MEI1: variants seen among roughly 807,000 people sequenced by gnomAD.
The protein encoded by MEI1 is meiosis inhibitor protein 1.
Under a neutral mutation model 146.2 loss-of-function variants are expected in MEI1, and 103 were observed. That is an observed-to-expected ratio of 0.70 (90% CI 0.60 to 0.83). MEI1 has a LOEUF of 0.83. MEI1 is among the 40% of genes least tolerant of loss of function. The pLI is 0.00. For missense variants in MEI1, 1,529 were observed against 1,533.0 expected, an observed-to-expected ratio of 1.00 and a Z score of 0.04; for synonymous variants, 652 against 628.2, an observed-to-expected ratio of 1.04 and a Z score of -0.57.
intron 18 of MEI1, among the ~76,000 whole-genome samples, chr22:41,759,740 A>T (rs2074346215): frequency 1.3e-5 from 2 of 151,950 alleles, no homozygotes; most frequent in Non-Finnish European, 2.9e-5. Context: ...GAGACAGGAG[A>T]ATTGCTTGAA....
chr22:41,712,012 G>A (rs890360700), intron 3 of MEI1, among the ~76,000 whole-genome samples: 1 of 151,348 alleles, frequency 6.6e-6, no homozygotes, highest in Non-Finnish European at 1.5e-5. Flanking sequence ...GACCAGCCTG[G>A]CCAACATGTA....
intron 26 of MEI1, among the ~76,000 whole-genome samples, chr22:41,791,436 T>G (rs1368993313): frequency 6.6e-6 from 1 of 152,164 alleles, no homozygotes; most frequent in Non-Finnish European, 1.5e-5. Context: ...CAAAGTGAGC[T>G]GTCATGATGC....
rs532738540 is a variant in MEI1 at position 41,797,316 on chromosome 22, A to G, written c.3779+1469A>G. ...GAACAAAATTATTTAAAACTGCATAAAATTACCTTCAGGTGGCCAGACGCG... is the reference window on the plus strand; with the variant it reads ...GAACAAAATTATTTAAAACTGCATAGAATTACCTTCAGGTGGCCAGACGCG... On this transcript the variant is annotated intron_variant, in intron 30 of 30. Transcript: ENST00000401548. Among the ~76,000 whole-genome samples, 223 of 152,160 alleles carry G rather than the reference A, an allele frequency of 1.5e-3. 1 individual carries two copies. The highest frequency in any genetic ancestry group is 3.5e-4 in the Non-Finnish European group (24 of 68,006).
chr22:41,748,104 C>T lies in MEI1; in HGVS notation c.1681-3C>T. On this transcript the variant is annotated splice_polypyrimidine_tract_variant and splice_region_variant and intron_variant, in intron 14 of 30. Coordinates refer to ENST00000401548, the MANE Select transcript of MEI1 (RefSeq NM_152513.4). ...CTGTGTTCTCTCTCCTGGTTCTTTG[C>T]AGAGACACTTGGAGCAGACCACCCA... 1 of 1,608,476 alleles carries T rather than the reference C, an allele frequency of 6.2e-7. No individual in the cohort carries two copies. Among genetic ancestry groups the T allele is most frequent in the Non-Finnish European group, 8.5e-7 (1 of 1,175,012 alleles).
At chr22:41,713,527 C>T (rs996234151) in intron 3 of MEI1, among the ~76,000 whole-genome samples, 2 of 151,250 alleles carry the variant, frequency 1.3e-5, no homozygotes, top group Admixed American at 6.6e-5. Context: ...TAGATGTGCA[C>T]ACATAGTTGT....
chr22:41,742,246 T>C (rs1378811759), intron 11 of MEI1, among the ~76,000 whole-genome samples: 7 of 152,146 alleles, frequency 4.6e-5, no homozygotes, highest in Admixed American at 2.0e-4. Context: ...GGTGACAGAG[T>C]GAGACTCCAT....
intron 6 of MEI1, 101 bp from the exon 7 acceptor site, chr22:41,723,842 G>A (rs1050871462): frequency 2.2e-6 from 3 of 1,357,426 alleles, no homozygotes; most frequent in African/African-American, 1.5e-5. Context: ...TATTTGTAGA[G>A]GGATGAAGAA....
At chr22:41,794,540 G>T (rs897539486) in intron 28 of MEI1, 63 bp downstream of exon 28, 23 of 1,364,276 alleles carry the variant, frequency 1.7e-5, no homozygotes, top group Non-Finnish European at 2.3e-5. Context: ...TGCTGAAGAG[G>T]CCAGGGTCTC....
intron 4 of MEI1, among the ~76,000 whole-genome samples, chr22:41,714,908 G>A (rs1259505450): frequency 6.6e-6 from 1 of 151,814 alleles, no homozygotes. Flanking sequence ...TTAAAGAGCA[G>A]CTTTTGTGTT....
chr22:41,774,406 A>C (rs1183405567), intron 20 of MEI1: 1 of 152,250 alleles, frequency 6.6e-6, no homozygotes, highest in Non-Finnish European at 1.5e-5. Context: ...GCACAAGACC[A>C]GGAAACTGGT....
intron 15 of MEI1, among the ~76,000 whole-genome samples, chr22:41,750,914 C>G (rs2073700698): frequency 6.6e-6 from 1 of 152,132 alleles, no homozygotes; most frequent in Non-Finnish European, 1.5e-5. Context: ...TGCCATACTT[C>G]CGGACCCAAG....
chr22:41,746,690 C>G (rs1263806676), intron 14 of MEI1, among the ~76,000 whole-genome samples: 3 of 152,092 alleles, frequency 2.0e-5, no homozygotes, highest in African/African-American at 7.2e-5. Flanking sequence ...ATCCTATGAG[C>G]CTGTGAGGAG....
chr22:41,745,818 A>G, intron 13 of MEI1, 67 bp from the exon 14 acceptor site: 1 of 1,475,828 alleles, frequency 6.8e-7, no homozygotes, highest in Non-Finnish European at 9.1e-7. Context: ...GCCACCCCCC[A>G]GGAAGCTGTT....
At chr22:41,703,726 G>T (rs1430945681) in intron 2 of MEI1, among the ~76,000 whole-genome samples, 2 of 152,196 alleles carry the variant, frequency 1.3e-5, no homozygotes, top group African/African-American at 4.8e-5. Flanking sequence ...GCTCATGCCT[G>T]TAGTCCCAGC....
rs1047246158 is a variant in MEI1 at position 41,712,448 on chromosome 22, G to C, written c.350-1554G>C. 4.0e-5 allele frequency among the ~76,000 whole-genome samples: 6 copies of C among 151,506 alleles called. No individual in the cohort carries two copies. The East Asian group carries it at 1.2e-3, about 30-fold the overall frequency. On this transcript the variant is annotated intron_variant, in intron 3 of 30. Transcript: ENST00000401548. ...GATGGGGTTTCACCGTGTTAGCCAG[G>C]ATGGTCTTGATCTCCTGACCTCGTG...
intron 7 of MEI1, among the ~76,000 whole-genome samples, chr22:41,728,540 TA>T (rs2071564605): frequency 6.6e-6 from 1 of 152,012 alleles, no homozygotes; most frequent in South Asian, 2.1e-4. Flanking sequence ...GAATGGGCCA[TA>T]TACTGAGACC....
Position 41,709,312 on chromosome 22 carries a change from C to T in MEI1, c.349+3758C>T, listed in dbSNP as rs962144559. 1.0e-4 allele frequency: 81 copies of T among 800,162 alleles called. No homozygotes were observed. In the African/African-American group the frequency reaches 1.1e-3, roughly 11 times the overall value. 49.6% of individuals were successfully genotyped at this position (800,162 alleles called of 1,614,324 possible). A position where few individuals can be genotyped will look rare whatever the true frequency, so the allele number is the denominator to read the frequency against. On this transcript the variant is annotated intron_variant, in intron 3 of 30. Transcript: ENST00000401548. Reference sequence around the variant, plus strand: ...GGTTATTCCCTTCCTTGCCAGCATCCACTTTTCCCTTTTTCCCTTTGGGTA... The same window carrying T: ...GGTTATTCCCTTCCTTGCCAGCATCTACTTTTCCCTTTTTCCCTTTGGGTA...
rs534898745 is a variant in MEI1 at position 41,786,878 on chromosome 22, T to C, written c.3345+2095T>C. 3.3e-5 allele frequency among the ~76,000 whole-genome samples: 5 copies of C among 152,312 alleles called. No homozygotes were observed. In the East Asian group the frequency reaches 9.6e-4, roughly 29 times the overall value. ...TAGGAGACACTTGTAGATCAGTGTT[T>C]ATGTAGCCATCATATCCCGAGCCCT... On this transcript the variant is annotated intron_variant, in intron 26 of 30. Coordinates refer to ENST00000401548, the MANE Select transcript of MEI1 (RefSeq NM_152513.4).
At chr22:41,735,956 C>T (rs544060264) in intron 11 of MEI1, among the ~76,000 whole-genome samples, 42 of 152,322 alleles carry the variant, frequency 2.8e-4, no homozygotes, top group African/African-American at 1.0e-3. Context: ...GACCAGATTA[C>T]CACAAACTTG....
Sources: gnomAD v4.1 joint callset for allele counts (sites outside exome capture counted in the v4.1 genomes callset) on GRCh38, gnomAD v4.1.1 for gene constraint, MANE v1.5 for transcripts, NCBI Gene and HGNC (gene_info 2026-07-23, HGNC 2026-07-21) for gene names.